Variants in GPR107 observed in about 807,000 individuals in gnomAD.
The protein encoded by GPR107 is G protein-coupled receptor 107, also known as protein GPR107.
Under a neutral mutation model 75.5 loss-of-function variants are expected in GPR107, and 31 were observed. The observed-to-expected ratio is 0.41, with a 90% CI of 0.31 to 0.55. The LOEUF (loss-of-function observed/expected upper bound fraction) is 0.55, where lower values mean the gene tolerates loss of function less well. Among genes scored for constraint, GPR107 ranks in the 20% least tolerant of loss-of-function variants. GPR107 has a pLI of 0.26. For synonymous variants in GPR107, 267 were observed against 251.3 expected, an observed-to-expected ratio of 1.06 and a Z score of -0.59; for missense variants, 572 against 665.7, an observed-to-expected ratio of 0.86 and a Z score of 1.55.
intron 14 of GPR107, among the ~76,000 whole-genome samples, chr9:130,122,039 C>T (rs4837469): frequency 2.0e-5 from 3 of 151,800 alleles, no homozygotes; most frequent in Admixed American, 6.6e-5. Flanking sequence ...TACAGGCATC[C>T]GCCACCATGC....
chr9:130,125,097 T>TTG (rs1564685150), intron 15 of GPR107, 133 bp downstream of exon 15: 1 of 503,850 alleles, frequency 2.0e-6, no homozygotes, highest in Non-Finnish European at 3.3e-6. Context: ...TTGCTTTTTT[T>TTG]TTTTTTTTTT....
intron 17 of GPR107, among the ~76,000 whole-genome samples, chr9:130,130,472 T>C (rs1011373929): frequency 6.6e-6 from 1 of 152,198 alleles, no homozygotes; most frequent in African/African-American, 2.4e-5. Flanking sequence ...CATTATTTCA[T>C]GTGGGCGAGG....
At chr9:130,064,104 C>T (rs1409206047) in intron 1 of GPR107, among the ~76,000 whole-genome samples, 3 of 151,382 alleles carry the variant, frequency 2.0e-5, no homozygotes, top group East Asian at 1.9e-4. Context: ...TGAGCCACTG[C>T]GCCCAGCCAG....
chr9:130,100,729 C>T (rs1440809207), intron 11 of GPR107, 27 bp downstream of exon 11: 14 of 1,512,738 alleles, frequency 9.3e-6, no homozygotes, highest in African/African-American at 1.4e-5. Flanking sequence ...ATGTGAAATA[C>T]ACCATGAAAT....
intron 14 of GPR107, among the ~76,000 whole-genome samples, chr9:130,114,037 TTTTTTTTTTTTTCA>T (rs1450307715): frequency 2.4e-4 from 31 of 131,764 alleles, no homozygotes; most frequent in African/African-American, 8.3e-4. Context: ...TTCTTTTTTT[TTTTTTTTTTTTTCA>T]TTTTTTTTTT....
intron 13 of GPR107, among the ~76,000 whole-genome samples, chr9:130,105,370 C>T (rs918613042): frequency 6.6e-6 from 1 of 152,064 alleles, no homozygotes; most frequent in African/African-American, 2.4e-5. Context: ...TCTCCTGCCT[C>T]AGCCTCCTGA....
rs116317699 is a variant in GPR107 at position 130,064,947 on chromosome 9, C to T, written c.142-10689C>T. Among the ~76,000 whole-genome samples the T allele has an allele frequency of 6.1e-3, 921 of 152,196 alleles. 15 individuals carry two copies. Among genetic ancestry groups the T allele is most frequent in the African/African-American group, 0.021 (862 of 41,536 alleles). ...TTTAGAGGGACTGTGGCCCTGCTGA[C>T]GCCTTGATTTTGGACTTGTAGCCTC... On this transcript the variant is annotated intron_variant, in intron 1 of 17. Transcript: ENST00000347136.
At chr9:130,069,916 A>C (rs1234261655) in intron 1 of GPR107, among the ~76,000 whole-genome samples, 1 of 149,658 alleles carries the variant, frequency 6.7e-6, no homozygotes, top group Non-Finnish European at 1.5e-5. Flanking sequence ...AAACTGACCT[A>C]AGGGTATCTG....
chr9:130,080,467 T>A (rs530260259), intron 5 of GPR107, among the ~76,000 whole-genome samples: 1 of 98,320 alleles, frequency 1.0e-5, no homozygotes, highest in Non-Finnish European at 2.2e-5. Context: ...AAAAAGGTAT[T>A]CCTGTTTATT....
In GPR107 at chr9:130,101,180, C is replaced by T; in HGVS notation, c.1088C>T (p.Ser363Phe). The T allele has an allele frequency of 6.2e-7, 1 of 1,601,788 alleles. No individual in the cohort carries two copies. Among genetic ancestry groups the T allele is most frequent in the South Asian group, 1.1e-5 (1 of 90,830 alleles). ...TGWAFIKHIL[S>F]DKDKKIFMIV... ...TGGGCTTTCATTAAGCACATCCTTT[C>T]TGATAAAGACAAAAAGATCTTCATG... The change falls in exon 12 of 18, where the codon TCT (serine) becomes TTT (phenylalanine). Residue 363 changes from serine to phenylalanine, a missense_variant. By Grantham distance (155) the Ser-to-Phe change is radical (BLOSUM62 -2). Transcript: ENST00000347136.
At chr9:130,106,357 G>A (rs1831154783) in intron 13 of GPR107, among the ~76,000 whole-genome samples, 1 of 152,046 alleles carries the variant, frequency 6.6e-6, no homozygotes, top group Non-Finnish European at 1.5e-5. Context: ...CCAGCACTTT[G>A]GGAGGCTGAG....
rs1390902800 is a variant in GPR107 at position 130,138,226 on chromosome 9, G to C, written c.*3105G>C. 6.6e-6 allele frequency: 1 copy of C among 152,166 alleles called. No homozygotes were observed. Among genetic ancestry groups the C allele is most frequent in the African/African-American group, 2.4e-5 (1 of 41,442 alleles). The allele number at this position is 152,166 out of a possible 1,614,324, so 9.4% of individuals were successfully genotyped here. A position where few individuals can be genotyped will look rare whatever the true frequency, so the allele number is the denominator to read the frequency against. ...TCAGTGTAAAAGATGCTCATGGCCT[G>C]AGTCAGTTGAGTTTTCTTTCAAGAA... On this transcript the variant is annotated 3_prime_UTR_variant, in exon 18 of 18. Transcript: ENST00000347136.
chr9:130,095,405 A>AT (rs1286573849), intron 9 of GPR107, among the ~76,000 whole-genome samples: 3 of 151,326 alleles, frequency 2.0e-5, no homozygotes, highest in African/African-American at 4.9e-5. Context: ...TCTTTATTTT[A>AT]TTTTTTTTGA....
chr9:130,124,970 TAAAAAA>T lies in GPR107; in HGVS notation c.1356+15_1356+20del. ...TCAGACATTATTACGTCTTGGTAAGTAAAAAAAAAAAAAATCCTCAATCTATAAATA... is the reference window on the plus strand; with the variant it reads ...TCAGACATTATTACGTCTTGGTAAGTAAAAAAAATCCTCAATCTATAAATA... On this transcript the variant is annotated splice_region_variant and intron_variant, in intron 15 of 17. Coordinates refer to ENST00000347136, the MANE Select transcript of GPR107 (RefSeq NM_020960.5). 1 of 929,096 alleles carries T rather than the reference TAAAAAA, an allele frequency of 1.1e-6. No homozygotes were observed. The highest frequency in any genetic ancestry group is 1.6e-6 in the Non-Finnish European group (1 of 635,890). The allele number at this position is 929,096 out of a possible 1,614,324, so 57.6% of individuals were successfully genotyped here.
intron 17 of GPR107, among the ~76,000 whole-genome samples, chr9:130,131,156 C>T (rs1231679408): frequency 6.6e-6 from 1 of 152,126 alleles, no homozygotes; most frequent in East Asian, 1.9e-4. Flanking sequence ...CTGCTGAAGC[C>T]CCACCGCCGT....
At chr9:130,071,039 T>TTTC (rs1554891206) in intron 1 of GPR107, among the ~76,000 whole-genome samples, 1 of 139,788 alleles carries the variant, frequency 7.2e-6, no homozygotes, top group African/African-American at 2.6e-5. Flanking sequence ...TTTTTTCTTT[T>TTTC]TTTTTTTTTT....
At chr9:130,056,924 CAAAAAAAA>C (rs11442007) in intron 1 of GPR107, among the ~76,000 whole-genome samples, 13 of 42,896 alleles carry the variant, frequency 3.0e-4, no homozygotes, top group African/African-American at 1.2e-3. Context: ...GACTCCTTCT[CAAAAAAAA>C]AAAAAAAAAA....
chr9:130,076,430 C>A lies in GPR107; in HGVS notation c.274C>A (p.Arg92Ser). ...KDVTIGFSLD[R>S]TKNDGFSSYL... Reference sequence around the variant, plus strand: ...CCATTAGATTGGATTTAGCCTAGACCGTACAAAGAATGATGGCTTTTCTTC... The same window carrying A: ...CCATTAGATTGGATTTAGCCTAGACAGTACAAAGAATGATGGCTTTTCTTC... Residue 92 changes from arginine (R) to serine (S), a missense_variant, in exon 3 of 18, where the codon CGT (arginine) becomes AGT (serine). Coordinates refer to ENST00000347136, the MANE Select transcript of GPR107 (RefSeq NM_020960.5). 6.3e-7 allele frequency: 1 copy of A among 1,576,078 alleles called. No individual in the cohort carries two copies. Among genetic ancestry groups the A allele is most frequent in the Non-Finnish European group, 8.7e-7 (1 of 1,145,438 alleles).
At chr9:130,080,797 A>G (rs560672403) in intron 5 of GPR107, among the ~76,000 whole-genome samples, 11 of 151,042 alleles carry the variant, frequency 7.3e-5, no homozygotes, top group East Asian at 3.9e-4. Flanking sequence ...GGCCCTGTTT[A>G]TTTATATTTA....
Sources: gnomAD v4.1 joint callset for allele counts (sites outside exome capture counted in the v4.1 genomes callset) on GRCh38, gnomAD v4.1.1 for gene constraint, MANE v1.5 for transcripts, NCBI Gene and HGNC (gene_info 2026-07-23, HGNC 2026-07-21) for gene names.